The following S100A5 variants were observed in gnomAD, a reference collection of about 807,000 sequenced individuals.
The protein encoded by S100A5 is protein S100-A5.
In S100A5, 5 loss-of-function variants were observed where a neutral mutation model predicts 6.7. The observed-to-expected ratio is 0.75, with a 90% CI of 0.39 to 1.57. The LOEUF is 1.57. Ranked by LOEUF, S100A5 falls within the 40% of genes most tolerant of loss-of-function variation. The probability of loss-of-function intolerance (pLI) is 0.03; values close to 1 mark genes in which losing one functional copy is unlikely to be tolerated. For synonymous variants in S100A5, 49 were observed against 44.9 expected (o/e 1.09, Z -0.37); for missense variants, 129 against 110.8 (o/e 1.16, Z -0.74).
At chr1:153,540,547 T>C in intron 1 of S100A5, 74 bp downstream of exon 1, 1 of 189,330 alleles carries the variant, frequency 5.3e-6, no homozygotes, top group African/African-American at 2.3e-5. Context: ...CACGATTTTC[T>C]CTCTGCTTCT....
chr1:153,540,131 C>T lies in S100A5; in HGVS notation c.61G>A (p.Gly21Arg). 1.2e-6 allele frequency: 2 copies of T among 1,614,190 alleles called. No individual in the cohort carries two copies. Among genetic ancestry groups the T allele is most frequent in the Non-Finnish European group, 1.7e-6 (2 of 1,180,042 alleles). ...TMVTTFHKYS[G>R]REGSKLTLSR... ...AGGGTCAGTTTGCTACCCTCTCTCC[C>T]CGAATATTTGTGAAACGTGGTCACC... Residue 21 changes from glycine (G) to arginine (R), a missense_variant, in exon 2 of 3, where the codon GGG becomes AGG. Transcript: ENST00000368717.
chr1:153,539,757 GCACAGGTTCTGCCA>G (rs1315889818), intron 2 of S100A5, among the ~76,000 whole-genome samples: 17 of 152,008 alleles, frequency 1.1e-4, no homozygotes, highest in Non-Finnish European at 2.1e-4. Context: ...ATGACCCCTA[GCACAGGTTCTGCCA>G]CTGCTGGGAG....
intron 2 of S100A5, 99 bp from the exon 3 acceptor site, chr1:153,537,535 A>T: frequency 6.9e-7 from 1 of 1,446,776 alleles, no homozygotes; most frequent in Admixed American, 1.7e-5. Flanking sequence ...CTTCAGGGTG[A>T]GCCCCAGCTG....
upstream of S100A5, chr1:153,543,386 C>T (rs1431719177): frequency 7.2e-6 from 5 of 694,050 alleles, no homozygotes; most frequent in African/African-American, 2.0e-5. Context: ...CAGCTGGGAC[C>T]TTCCAAACCT....
At position 153,540,187 on chromosome 1, in the gene S100A5, T is replaced by A; in HGVS notation, c.5A>T (p.Glu2Val). The A allele has an allele frequency of 1.2e-6, 2 of 1,614,092 alleles. No individual in the cohort carries two copies. Among genetic ancestry groups the A allele is most frequent in the Non-Finnish European group, 1.7e-6 (2 of 1,179,992 alleles). The change falls in exon 2 of 3, where the codon GAG becomes GTG. Residue 2 changes from glutamate (E) to valine (V), a missense_variant. By Grantham distance (121) the Glu-to-Val change is moderately radical. Coordinates refer to ENST00000368717, the MANE Select transcript of S100A5 (RefSeq NM_001394232.1). ...GGTCAGGGCCTTCTCCAGAGGAGTCTCCATCACAGTGTGCAGCTCTGTAGA... is the reference window on the plus strand; with the variant it reads ...GGTCAGGGCCTTCTCCAGAGGAGTCACCATCACAGTGTGCAGCTCTGTAGA... M[E>V]TPLEKALTTM...
upstream of S100A5, chr1:153,541,496 GC>G: frequency 7.3e-7 from 1 of 1,361,148 alleles, no homozygotes; most frequent in Non-Finnish European, 9.8e-7. Flanking sequence ...GAGAGAAAGG[GC>G]CCATGAGAAG....
upstream of S100A5, chr1:153,543,395 C>T (rs1345242402): frequency 6.5e-6 from 4 of 615,642 alleles, no homozygotes; most frequent in African/African-American, 2.0e-5. Flanking sequence ...CCTTCCAAAC[C>T]TTGGCAGGGG....
upstream of S100A5, chr1:153,543,244 A>C: frequency 4.1e-6 from 4 of 985,356 alleles, no homozygotes; most frequent in Non-Finnish European, 4.8e-6. Context: ...ACTTACTCCC[A>C]GGACACCCAA....
upstream of S100A5, among the ~76,000 whole-genome samples, chr1:153,542,449 C>T (rs1665420263): frequency 6.6e-6 from 1 of 152,318 alleles, no homozygotes; most frequent in South Asian, 2.1e-4. Flanking sequence ...ATGGAGAGGG[C>T]AGCGGAAGGC....
chr1:153,543,393 A>G, upstream of S100A5: 1 of 626,520 alleles, frequency 1.6e-6, no homozygotes, highest in Non-Finnish European at 2.0e-6. Context: ...GACCTTCCAA[A>G]CCTTGGCAGG....
chr1:153,543,654 G>T, upstream of S100A5: 1 of 1,093,726 alleles, frequency 9.1e-7, no homozygotes, highest in Non-Finnish European at 1.3e-6. Context: ...AACTTGCTCA[G>T]CATCAAGCAC....
Position 153,537,289 on chromosome 1 carries a change from G to C in S100A5, c.*7C>G, listed in dbSNP as rs1451906513. The stretch of plus-strand genomic sequence containing the variant: ...GGGTGGAGGGTGAGGGTGGAGGGCA[G>C]CCCTGGTCACTTGTTGTCCTCTAGA... On this transcript the variant is annotated 3_prime_UTR_variant, in exon 3 of 3. Transcript: ENST00000368717. 6.8e-6 allele frequency: 11 copies of C among 1,612,292 alleles called. No individual in the cohort carries two copies. Among genetic ancestry groups the C allele is most frequent in the Non-Finnish European group, 9.3e-6 (11 of 1,178,552 alleles).
chr1:153,539,473 A>ATT lies in S100A5; in HGVS notation c.138+580_138+581insAA, dbSNP rs1553214733. ...AAAATATATATATATATATATATAT[A>ATT]TATTTATTTATTTATTTATCCTCGG... On this transcript the variant is annotated intron_variant, in intron 2 of 2. Transcript: ENST00000368717. Among the ~76,000 whole-genome samples, 530 of 114,994 alleles carry ATT rather than the reference A, an allele frequency of 4.6e-3. 4 individuals carry two copies. Among genetic ancestry groups the ATT allele is most frequent in the African/African-American group, 0.013 (287 of 22,610 alleles). The allele number at this position is 114,994 out of a possible 152,430, so 75.4% of individuals were successfully genotyped here.
chr1:153,537,476 T>A, intron 2 of S100A5, 40 bp from the exon 3 acceptor site: 1 of 1,609,156 alleles, frequency 6.2e-7, no homozygotes, highest in Non-Finnish European at 8.5e-7. Context: ...CAGACCCCGC[T>A]CCCAGCCCTG....
At chr1:153,539,094 C>T (rs1007464695) in intron 2 of S100A5, among the ~76,000 whole-genome samples, 2 of 151,994 alleles carry the variant, frequency 1.3e-5, no homozygotes, top group Non-Finnish European at 2.9e-5. Flanking sequence ...CGCACCACTG[C>T]ACTCTAACCT....
chr1:153,538,883 C>T (rs543315221), intron 2 of S100A5, among the ~76,000 whole-genome samples: 1 of 152,246 alleles, frequency 6.6e-6, no homozygotes, highest in South Asian at 2.1e-4. Flanking sequence ...AATTTCAGCA[C>T]TTTGGGAGGC....
chr1:153,537,989 G>A (rs60193678), intron 2 of S100A5, among the ~76,000 whole-genome samples: 6,355 of 151,916 alleles, frequency 0.042, 439 homozygotes, highest in African/African-American at 0.15. Context: ...GGAGGTTGCA[G>A]TAAGTAAGAT....
At chr1:153,539,419 T>A (rs1434909837) in intron 2 of S100A5, among the ~76,000 whole-genome samples, 5 of 67,210 alleles carry the variant, frequency 7.4e-5, no homozygotes, top group African/African-American at 3.1e-4. Flanking sequence ...AGAGCGAGAC[T>A]CTCTCAAAAA....
At chr1:153,541,766 C>A (rs1665396736), upstream of S100A5, 3 of 1,096,368 alleles carry the variant, frequency 2.7e-6, no homozygotes, top group Admixed American at 1.5e-4. Context: ...AAGTGTGGGA[C>A]AAACACAGGG....
Sources: gnomAD v4.1 joint callset for allele counts (sites outside exome capture counted in the v4.1 genomes callset) on GRCh38, gnomAD v4.1.1 for gene constraint, MANE v1.5 for transcripts, NCBI Gene and HGNC (gene_info 2026-07-23, HGNC 2026-07-21) for gene names.